RRP1: variants seen among roughly 807,000 people sequenced by gnomAD.
The protein encoded by RRP1 is ribosomal RNA processing 1.
A neutral mutation model predicts 54.6 loss-of-function variants in RRP1; 37 were observed. The observed-to-expected ratio is 0.68, with a 90% CI of 0.52 to 0.89. RRP1 has a LOEUF of 0.89. RRP1 is among the 40% of genes least tolerant of loss of function. The probability of loss-of-function intolerance (pLI) is 0.00; values close to 1 mark genes in which losing one functional copy is unlikely to be tolerated. For synonymous variants in RRP1, 262 were observed against 244.3 expected, an observed-to-expected ratio of 1.07 and a Z score of -0.67; for missense variants, 639 against 612.5, an observed-to-expected ratio of 1.04 and a Z score of -0.46.
chr21:43,790,634 G>A (rs2084947068), intron 1 of RRP1: 1 of 184,874 alleles, frequency 5.4e-6, no homozygotes. Context: ...ATCCGTGGTG[G>A]AGGAGTGCAT....
chr21:43,801,033 AG>A (rs1402445858), intron 11 of RRP1, 152 bp downstream of exon 11: 1 of 819,158 alleles, frequency 1.2e-6, no homozygotes, highest in Admixed American at 2.1e-5. Context: ...GGCAGGGCGC[AG>A]GGTTCCACAG....
intron 3 of RRP1, 167 bp downstream of exon 3, chr21:43,792,896 G>A: frequency 3.0e-6 from 2 of 670,000 alleles, no homozygotes; most frequent in East Asian, 2.6e-5. Flanking sequence ...GTGCAGTGCT[G>A]GTGTAAGTAT....
At chr21:43,792,616 A>G (rs569791018) in intron 2 of RRP1, 56 bp from the exon 3 acceptor site, 1 of 1,573,384 alleles carries the variant, frequency 6.4e-7, no homozygotes, top group South Asian at 1.1e-5. Context: ...CGTGTGTGTC[A>G]TTGTGAGAGC....
chr21:43,796,928 G>A (rs1414639161), intron 5 of RRP1, among the ~76,000 whole-genome samples: 1 of 152,156 alleles, frequency 6.6e-6, no homozygotes, highest in East Asian at 1.9e-4. Context: ...TGCGTCGTGC[G>A]GCAGGGCCCA....
Position 43,797,461 on chromosome 21 carries a change from C to T in RRP1, c.462C>T (p.Ile154=). The change falls in exon 6 of 13, where the codon ATC becomes ATT. Residue 154 remains isoleucine, a synonymous_variant. Transcript: ENST00000497547. ...EELLELLMTE[I]LHPSSQAPNG... Reference sequence around the variant, plus strand: ...TGCTAGAGCTGCTGATGACTGAGATCCTGCACCCCAGCAGCCAGGCCCCCA... The same window carrying T: ...TGCTAGAGCTGCTGATGACTGAGATTCTGCACCCCAGCAGCCAGGCCCCCA... 1.9e-6 allele frequency: 3 copies of T among 1,613,602 alleles called. No homozygotes were observed. Among genetic ancestry groups the T allele is most frequent in the Non-Finnish European group, 2.5e-6 (3 of 1,180,004 alleles).
intron 12 of RRP1, among the ~76,000 whole-genome samples, chr21:43,802,801 T>C (rs528734213): frequency 3.5e-4 from 54 of 152,404 alleles, no homozygotes; most frequent in African/African-American, 1.2e-3. Flanking sequence ...CCTTGATTTC[T>C]GGGGCTGCCT....
chr21:43,793,107 C>G (rs941235926), intron 3 of RRP1: 2 of 573,202 alleles, frequency 3.5e-6, no homozygotes, highest in Admixed American at 3.3e-5. Flanking sequence ...AAGTTCTTAC[C>G]CTGCCTGTCT....
At chr21:43,794,711 C>T (rs894823836) in intron 4 of RRP1, among the ~76,000 whole-genome samples, 1 of 152,182 alleles carries the variant, frequency 6.6e-6, no homozygotes, top group African/African-American at 2.4e-5. Context: ...GGAGGGCCTT[C>T]GCTGTGTAGT....
chr21:43,802,232 C>G (rs2085101371), intron 11 of RRP1, 42 bp from the exon 12 acceptor site: 7 of 1,476,972 alleles, frequency 4.7e-6, no homozygotes, highest in Non-Finnish European at 4.7e-6. Context: ...ACCATAAGTC[C>G]CCAGCCCCCG....
At chr21:43,791,874 G>T (rs1601865897) in intron 2 of RRP1, among the ~76,000 whole-genome samples, 1 of 152,144 alleles carries the variant, frequency 6.6e-6, no homozygotes, top group Admixed American at 6.5e-5. Flanking sequence ...GGTTCGGCAC[G>T]GCTGGTGGGC....
rs913008876 is a variant in RRP1, at chr21:43,797,068, G to A, written c.423-354G>A. 1.1e-4 allele frequency among the ~76,000 whole-genome samples: 17 copies of A among 152,342 alleles called. 1 individual carries two copies. The highest frequency in any genetic ancestry group is 5.2e-4 in the Admixed American group (8 of 15,308). On this transcript the variant is annotated intron_variant, in intron 5 of 12. Transcript: ENST00000497547. The stretch of plus-strand genomic sequence containing the variant: ...AGGCAGTGGAGAGGAACACCAGGCA[G>A]GGCGTCTCGTCTCAGCCAAGCCTTT...
Position 43,799,637 on chromosome 21 carries a change from C to G in RRP1, c.879C>G (p.Gly293=), listed in dbSNP as rs2123418583. 1 of 1,610,364 alleles carries G rather than the reference C, an allele frequency of 6.2e-7. No homozygotes were observed. Among genetic ancestry groups the G allele is most frequent in the Non-Finnish European group, 8.5e-7 (1 of 1,179,430 alleles). ...EQAGDDRDSG[G]PVLQFDYEAV... ...CAGGTGACGACAGGGACAGTGGCGG[C>G]CCCGTTCTCCAGGTGGGTTCCCTGG... The change falls in exon 9 of 13, where the codon GGC becomes GGG. Residue 293 remains glycine, a synonymous_variant. Transcript: ENST00000497547.
At chr21:43,802,496 C>T (rs1171259531) in intron 12 of RRP1, 109 bp downstream of exon 12, 3 of 848,060 alleles carry the variant, frequency 3.5e-6, no homozygotes, top group Non-Finnish European at 3.9e-6. Flanking sequence ...AGTGCCGAGT[C>T]CCCCATCCTG....
rs578093450 is a variant in RRP1, at chr21:43,803,764, G to T, written c.1376G>T (p.Arg459Leu). 2.4e-4 allele frequency: 372 copies of T among 1,581,810 alleles called. 5 individuals are homozygous for T. The South Asian group carries it at 4.1e-3, about 17-fold the overall frequency. The change falls in exon 13 of 13, where the codon CGC (arginine) becomes CTC (leucine). Residue 459 changes from arginine to leucine, a missense_variant. Transcript: ENST00000497547. ...CAGGAGCCGGAGAAGAAGAAGAAAC[G>T]CAGGGAGTGATGTGGCCGGGCCAAG... The part of the protein sequence containing the change: ...NVQEPEKKKK[R>L]RE
chr21:43,794,076 G>T (rs1180828263), intron 4 of RRP1, among the ~76,000 whole-genome samples: 1 of 152,140 alleles, frequency 6.6e-6, no homozygotes, highest in Non-Finnish European at 1.5e-5. Flanking sequence ...CACTGAAAGG[G>T]GCCATGTCCG....
At position 43,802,131 on chromosome 21, in the gene RRP1, G is replaced by A. The variant is rs747828176; in HGVS notation, c.1010-143G>A. The A allele has an allele frequency of 1.9e-5, 12 of 618,068 alleles. No homozygotes were observed. In the East Asian group the frequency reaches 3.1e-4, roughly 16 times the overall value. The allele number at this position is 618,068 out of a possible 1,614,324, so 38.3% of individuals were successfully genotyped here. A position where few individuals can be genotyped will look rare whatever the true frequency, so the allele number is the denominator to read the frequency against. On this transcript the variant is annotated intron_variant, in intron 11 of 12. Transcript: ENST00000497547. ...TTCAGCTGTGGCGGGTACTGAACACGCTGCTCCTGGGCATTAGAACAGGGC... is the reference window on the plus strand; with the variant it reads ...TTCAGCTGTGGCGGGTACTGAACACACTGCTCCTGGGCATTAGAACAGGGC...
At chr21:43,793,606 G>A (rs573653964) in intron 4 of RRP1, among the ~76,000 whole-genome samples, 3 of 152,344 alleles carry the variant, frequency 2.0e-5, no homozygotes, top group Admixed American at 6.5e-5. Flanking sequence ...TCATTGAATG[G>A]GCAAGGAATT....
rs773125444 is a variant in RRP1 at position 43,791,471 on chromosome 21, G to A, written c.216+39G>A. The A allele has an allele frequency of 1.9e-5, 30 of 1,579,800 alleles. No homozygotes were observed. In the Middle Eastern group the frequency reaches 8.3e-4, roughly 44 times the overall value. ...GCAGCAGAGCAGGTACAGAAGCAGC[G>A]GGGGAGGATGGATGGGCATCTGGTC... On this transcript the variant is annotated intron_variant, in intron 2 of 12. Coordinates refer to ENST00000497547, the MANE Select transcript of RRP1 (RefSeq NM_003683.6).
chr21:43,794,541 T>G (rs1203327977), intron 4 of RRP1, among the ~76,000 whole-genome samples: 1 of 152,140 alleles, frequency 6.6e-6, no homozygotes, highest in African/African-American at 2.4e-5. Flanking sequence ...TCGGGGCTCC[T>G]GGGGGTCCGC....
Sources: gnomAD v4.1 joint callset for allele counts (sites outside exome capture counted in the v4.1 genomes callset) on GRCh38, gnomAD v4.1.1 for gene constraint, MANE v1.5 for transcripts, NCBI Gene and HGNC (gene_info 2026-07-23, HGNC 2026-07-21) for gene names.